CTNNA2: variants seen among roughly 807,000 people sequenced by gnomAD.
The protein encoded by CTNNA2 is catenin alpha 2.
A neutral mutation model predicts 101.0 loss-of-function variants in CTNNA2; 42 were observed. The ratio of observed to expected loss-of-function variants is 0.42; its 90% CI spans 0.32 to 0.54. CTNNA2 has a LOEUF of 0.54. Among genes scored for constraint, CTNNA2 ranks in the 20% least tolerant of loss-of-function variants. CTNNA2 has a pLI of 0.14. For synonymous variants in CTNNA2, 450 were observed against 456.4 expected (o/e 0.99, Z 0.18); for missense variants, 871 against 1,223.1 (o/e 0.71, Z 4.29).
At position 80,555,841 on chromosome 2, in the gene CTNNA2, T is replaced by A; in HGVS notation, c.1689T>A (p.Ala563=). Residue 563 remains alanine (A), a synonymous_variant, in exon 12 of 19, where the codon GCT becomes GCA. Transcript: ENST00000402739. ...IINAEMENYE[A]GVYTEKVLEA... ...ATGCTGAGATGGAGAACTATGAAGC[T>A]GGGGTTTATACTGAGAAGGTGTTGG... The A allele has an allele frequency of 6.3e-7, 1 of 1,594,874 alleles. No individual in the cohort carries two copies. The highest frequency in any genetic ancestry group is 8.5e-7 in the Non-Finnish European group (1 of 1,171,074).
At chr2:80,063,877 CT>C (rs1697786466) in intron 7 of CTNNA2, among the ~76,000 whole-genome samples, 1 of 152,162 alleles carries the variant, frequency 6.6e-6, no homozygotes, top group Non-Finnish European at 1.5e-5. Context: ...CTACCCACCC[CT>C]AGTTATTTGA....
intron 1 of CTNNA2, among the ~76,000 whole-genome samples, chr2:79,613,824 T>C (rs1034225376): frequency 2.0e-5 from 3 of 152,326 alleles, no homozygotes; most frequent in Non-Finnish European, 4.4e-5. Context: ...CAGCTACATA[T>C]TCTTTTTTAA....
At chr2:80,099,570 G>T (rs1374560407) in intron 7 of CTNNA2, among the ~76,000 whole-genome samples, 1 of 152,108 alleles carries the variant, frequency 6.6e-6, no homozygotes, top group South Asian at 2.1e-4. Flanking sequence ...TGGTATGTAG[G>T]CAAGGGGCTG....
chr2:79,423,416 TA>T (rs1678559133), intron 4 of CTNNA2, among the ~76,000 whole-genome samples: 1 of 152,134 alleles, frequency 6.6e-6, no homozygotes, highest in African/African-American at 2.4e-5. Context: ...ATTCCTGATT[TA>T]AAAAAGTGAG....
At chr2:80,518,732 A>C (rs1326435185) in intron 9 of CTNNA2, among the ~76,000 whole-genome samples, 1 of 152,154 alleles carries the variant, frequency 6.6e-6, no homozygotes, top group Non-Finnish European at 1.5e-5. Flanking sequence ...ATATGAGTAA[A>C]TGTGAATTAG....
At chr2:79,445,679 C>G (rs925281269) in intron 4 of CTNNA2, among the ~76,000 whole-genome samples, 2 of 152,126 alleles carry the variant, frequency 1.3e-5, no homozygotes, top group African/African-American at 4.8e-5. Flanking sequence ...AGTGGACACA[C>G]TGCATGCTCG....
At chr2:79,863,172 A>G (rs1397363147) in intron 4 of CTNNA2, among the ~76,000 whole-genome samples, 1 of 152,154 alleles carries the variant, frequency 6.6e-6, no homozygotes, top group East Asian at 1.9e-4. Flanking sequence ...CTACAATCTT[A>G]TTAGGCACAA....
intron 7 of CTNNA2, among the ~76,000 whole-genome samples, chr2:80,122,034 A>C (rs930098031): frequency 3.3e-5 from 5 of 152,196 alleles, no homozygotes. Flanking sequence ...CAAATGCAGA[A>C]TCTTGGAAAA....
intron 3 of CTNNA2, among the ~76,000 whole-genome samples, chr2:79,324,211 A>C (rs2104412176): frequency 6.6e-6 from 1 of 152,334 alleles, no homozygotes; most frequent in Non-Finnish European, 1.5e-5. Context: ...GAATGAGAGA[A>C]GGCTGCCAGG....
intron 4 of CTNNA2, among the ~76,000 whole-genome samples, chr2:79,472,948 G>T (rs1573182608): frequency 6.6e-6 from 1 of 152,142 alleles, no homozygotes; most frequent in South Asian, 2.1e-4. Flanking sequence ...CAGAACACTA[G>T]AACATGAACA....
chr2:80,170,007 AGT>A (rs1393685294), intron 7 of CTNNA2, among the ~76,000 whole-genome samples: 1 of 152,212 alleles, frequency 6.6e-6, no homozygotes, highest in Non-Finnish European at 1.5e-5. Flanking sequence ...GTGTTGGCAC[AGT>A]GCCTAGAGGT....
intron 7 of CTNNA2, among the ~76,000 whole-genome samples, chr2:80,329,991 G>C (rs531818126): frequency 1.4e-3 from 217 of 152,368 alleles, no homozygotes; most frequent in African/African-American, 4.9e-3. Context: ...TTTTCAAGGT[G>C]CCCTGCACCC....
At chr2:79,239,943 T>G (rs1395056286) in intron 2 of CTNNA2, among the ~76,000 whole-genome samples, 1 of 151,448 alleles carries the variant, frequency 6.6e-6, no homozygotes, top group Non-Finnish European at 1.5e-5. Context: ...TTTCTTTTTT[T>G]TTTTTTGAGA....
chr2:80,420,058 A>AC, intron 9 of CTNNA2, among the ~76,000 whole-genome samples: 1 of 149,820 alleles, frequency 6.7e-6, no homozygotes, highest in Admixed American at 6.6e-5. Context: ...AAAAAAAAAA[A>AC]AAAAACCCAC....
In CTNNA2 at chr2:80,577,693, GT is replaced by G. The variant is rs1447258239; in HGVS notation, c.1893+3381del. The stretch of plus-strand genomic sequence containing the variant: ...GACTAGGGAGTTTTTTCATTTTGTT[GT>G]TGTTGTTGTTTTGTTTTTACCTTTG... On this transcript the variant is annotated intron_variant, in intron 13 of 18. Transcript: ENST00000402739. Among the ~76,000 whole-genome samples the G allele has an allele frequency of 8.0e-5, 12 of 149,400 alleles. No individual in the cohort carries two copies. The East Asian group carries it at 1.8e-3, about 22-fold the overall frequency.
chr2:79,757,560 A>C (rs564055879), intron 3 of CTNNA2, among the ~76,000 whole-genome samples: 1 of 152,344 alleles, frequency 6.6e-6, no homozygotes, highest in South Asian at 2.1e-4. Flanking sequence ...GAAAGAGAAT[A>C]AGAAATCCAT....
intron 7 of CTNNA2, among the ~76,000 whole-genome samples, chr2:80,087,424 G>A (rs1357664091): frequency 6.6e-6 from 1 of 152,024 alleles, no homozygotes; most frequent in Non-Finnish European, 1.5e-5. Flanking sequence ...AAGGAAACGG[G>A]TCAAACCAGA....
At chr2:79,657,197 G>A (rs1237728031) in intron 2 of CTNNA2, among the ~76,000 whole-genome samples, 1 of 151,666 alleles carries the variant, frequency 6.6e-6, no homozygotes, top group African/African-American at 2.4e-5. Flanking sequence ...ACCCCTTGAG[G>A]CACAAATTAT....
chr2:80,605,684 A>G (rs762502935), intron 16 of CTNNA2: 1 of 151,970 alleles, frequency 6.6e-6, no homozygotes, highest in Non-Finnish European at 1.5e-5. Flanking sequence ...AAAACAAAAC[A>G]AACAAAACCC....
Sources: allele counts gnomAD v4.1 joint callset (sites outside exome capture counted in the v4.1 genomes callset), GRCh38; gene constraint gnomAD v4.1.1; transcripts MANE v1.5; gene names NCBI Gene and HGNC (gene_info 2026-07-23, HGNC 2026-07-21).